Variants in UGT2A2 observed in about 807,000 individuals in gnomAD.
UGT2A2 encodes the protein UDP-glucuronosyltransferase 2A2.
A neutral mutation model predicts 50.7 loss-of-function variants in UGT2A2; 60 were observed. The observed-to-expected ratio is 1.18, with a 90% confidence interval of 0.96 to 1.47. The LOEUF is 1.47. UGT2A2 is among the 40% of genes most tolerant of loss of function. The pLI is 0.00. For synonymous variants in UGT2A2, 242 were observed against 214.6 expected, an observed-to-expected ratio of 1.13 and a Z score of -1.11; for missense variants, 762 against 634.0, an observed-to-expected ratio of 1.20 and a Z score of -2.17.
intron 1 of UGT2A2, among the ~76,000 whole-genome samples, chr4:69,618,183 A>C (rs936449924): frequency 5.5e-5 from 7 of 126,354 alleles, no homozygotes; most frequent in African/African-American, 2.2e-4. Context: ...ATAGGCCAGT[A>C]AGCATGTGTG....
At chr4:69,631,018 G>A (rs928371934) in intron 1 of UGT2A2, among the ~76,000 whole-genome samples, 7 of 152,106 alleles carry the variant, frequency 4.6e-5, no homozygotes, top group African/African-American at 1.2e-4. Context: ...CAGCTCTCTA[G>A]ATATGAAATC....
At chr4:69,596,021 T>A (rs148213651) in intron 3 of UGT2A2, among the ~76,000 whole-genome samples, 33 of 152,290 alleles carry the variant, frequency 2.2e-4, no homozygotes, top group African/African-American at 7.5e-4. Flanking sequence ...TAAAAATAAA[T>A]GACTTCAAAA....
At chr4:69,627,012 T>C (rs917391400) in intron 1 of UGT2A2, among the ~76,000 whole-genome samples, 11 of 151,896 alleles carry the variant, frequency 7.2e-5, no homozygotes, top group Admixed American at 2.6e-4. Context: ...AACGGTATTT[T>C]ATTTTATTAG....
intron 1 of UGT2A2, among the ~76,000 whole-genome samples, chr4:69,635,537 T>C (rs1721627786): frequency 6.6e-6 from 1 of 151,986 alleles, no homozygotes; most frequent in Non-Finnish European, 1.5e-5. Context: ...GAGGAAGAAA[T>C]AAAGTTCAGA....
At position 69,616,833 on chromosome 4, in the gene UGT2A2, C is replaced by CTTTTT. The variant is rs4148315; in HGVS notation, c.743-17444_743-17440dup. On this transcript the variant is annotated intron_variant, in intron 1 of 5. Transcript: ENST00000604629. ...CTAAATTTCTCTGCCATTTTCTTTT[C>CTTTTT]TTTTTTTTTTTTTTTTTGAATAGTG... 2.6e-4 allele frequency among the ~76,000 whole-genome samples: 33 copies of CTTTTT among 127,266 alleles called. 1 individual carries two copies. The highest frequency in any genetic ancestry group is 7.0e-4 in the East Asian group (3 of 4,300). 83.5% of individuals were successfully genotyped at this position (127,266 alleles called of 152,430 possible).
rs1276826745 is a variant in UGT2A2 at position 69,601,836 on chromosome 4, G to A, written c.743-2442C>T. Among the ~76,000 whole-genome samples, 2 of 136,228 alleles carry A rather than the reference G, an allele frequency of 1.5e-5. 1 individual carries two copies. Among genetic ancestry groups the A allele is most frequent in the African/African-American group, 6.0e-5 (2 of 33,542 alleles). The allele number at this position is 136,228 out of a possible 152,430, so 89.4% of individuals were successfully genotyped here. A position where few individuals can be genotyped will look rare whatever the true frequency, so the allele number is the denominator to read the frequency against. ...CTGGGGTGTGACAGCCCTACTGGGT[G>A]GCCAGGTCTAGAGGAGCAGCAGCAC... On this transcript the variant is annotated intron_variant, in intron 1 of 5. Transcript: ENST00000604629.
At chr4:69,601,746 A>AGCTGGTGCTAACAAC (rs376517060) in intron 1 of UGT2A2, among the ~76,000 whole-genome samples, 14 of 139,770 alleles carry the variant, frequency 1.0e-4, no homozygotes, top group South Asian at 4.7e-4. Context: ...GCTGGTATCC[A>AGCTGGTGCTAACAAC]CTGATGGGAG....
At chr4:69,612,302 A>T (rs1347063217) in intron 1 of UGT2A2, among the ~76,000 whole-genome samples, 1 of 152,166 alleles carries the variant, frequency 6.6e-6, no homozygotes, top group African/African-American at 2.4e-5. Context: ...TGGAAAAATC[A>T]GTATCGTTAA....
chr4:69,611,390 C>A (rs530408492), intron 1 of UGT2A2, among the ~76,000 whole-genome samples: 7 of 151,502 alleles, frequency 4.6e-5, no homozygotes, highest in African/African-American at 1.5e-4. Flanking sequence ...ATAGAGGTAA[C>A]ATTATAGTCT....
chr4:69,593,868 A>G (rs572613381), intron 5 of UGT2A2, among the ~76,000 whole-genome samples: 1 of 151,898 alleles, frequency 6.6e-6, no homozygotes, highest in Admixed American at 6.6e-5. Context: ...CATACTTACT[A>G]ATTAGTTTAT....
rs1224117972 is a variant in UGT2A2, at chr4:69,604,103, GAC to G, written c.743-4711_743-4710del. ...TACTCCTCGAGAAGAGCAACTCCAAGACACATAATTGTCAGACTCACCAAAGT... is the reference window on the plus strand; with the variant it reads ...TACTCCTCGAGAAGAGCAACTCCAAGACATAATTGTCAGACTCACCAAAGT... On this transcript the variant is annotated intron_variant, in intron 1 of 5. Transcript: ENST00000604629. Among the ~76,000 whole-genome samples the G allele has an allele frequency of 1.5e-5, 2 of 135,532 alleles. 1 individual carries two copies. Among genetic ancestry groups the G allele is most frequent in the African/African-American group, 6.0e-5 (2 of 33,218 alleles). The allele number at this position is 135,532 out of a possible 152,430, so 88.9% of individuals were successfully genotyped here.
chr4:69,612,202 T>C (rs1720105459), intron 1 of UGT2A2, among the ~76,000 whole-genome samples: 1 of 151,970 alleles, frequency 6.6e-6, no homozygotes, highest in Non-Finnish European at 1.5e-5. Context: ...CTAGAAATAT[T>C]AATATAATTA....
At position 69,639,064 on chromosome 4, in the gene UGT2A2, C is replaced by T; in HGVS notation, c.577G>A (p.Gly193Arg). 6.2e-7 allele frequency: 1 copy of T among 1,613,306 alleles called. No individual in the cohort carries two copies. Among genetic ancestry groups the T allele is most frequent in the Non-Finnish European group, 8.5e-7 (1 of 1,179,584 alleles). The change falls in exon 1 of 6, where the codon GGG becomes AGG. Residue 193 changes from glycine to arginine, a missense_variant. Transcript: ENST00000604629. ...SPASTVERHC[G>R]KIPAPVSYVP... ...TAGGAGACTGGTGCTGGGATTTTCC[C>T]ACAGTGTCTCTCCACTGTTGATGCT...
At chr4:69,627,986 T>G (rs1171918953) in intron 1 of UGT2A2, among the ~76,000 whole-genome samples, 3 of 151,970 alleles carry the variant, frequency 2.0e-5, no homozygotes, top group African/African-American at 4.8e-5. Context: ...AGTTTGTTGA[T>G]TGTCTCTTTT....
chr4:69,635,676 A>G (rs917335535), intron 1 of UGT2A2: 2 of 268,098 alleles, frequency 7.5e-6, no homozygotes, highest in East Asian at 1.6e-4. Context: ...TTAAAAATAC[A>G]AAAATTAGCC....
intron 5 of UGT2A2, among the ~76,000 whole-genome samples, chr4:69,589,857 T>C (rs111934444): frequency 0.013 from 2,004 of 152,288 alleles, 37 homozygotes; most frequent in African/African-American, 0.046. Context: ...TAACACAGTA[T>C]GATCAAATGT....
chr4:69,620,639 A>AAT (rs1002135724), intron 1 of UGT2A2, among the ~76,000 whole-genome samples: 10 of 147,292 alleles, frequency 6.8e-5, no homozygotes, highest in Admixed American at 6.7e-5. Context: ...ACTATTTTAA[A>AAT]ATATATATAT....
chr4:69,632,375 A>C (rs181439529), intron 1 of UGT2A2, among the ~76,000 whole-genome samples: 1 of 152,146 alleles, frequency 6.6e-6, no homozygotes, highest in Non-Finnish European at 1.5e-5. Context: ...TTTAGTTTAC[A>C]CACAGCACCT....
chr4:69,616,858 GGTTTCTAA>G (rs1720436855), intron 1 of UGT2A2, among the ~76,000 whole-genome samples: 3 of 105,390 alleles, frequency 2.8e-5, no homozygotes, highest in African/African-American at 1.1e-4. Flanking sequence ...TTTGAATAGT[GGTTTCTAA>G]GTTTCATTTT....
Sources: gnomAD v4.1 joint callset for allele counts (sites outside exome capture counted in the v4.1 genomes callset) on GRCh38, gnomAD v4.1.1 for gene constraint, MANE v1.5 for transcripts, NCBI Gene and HGNC (gene_info 2026-07-23, HGNC 2026-07-21) for gene names.